The following C12orf54 variants were observed in gnomAD, a reference collection of about 807,000 sequenced individuals.
C12orf54 encodes the protein uncharacterized protein C12orf54.
In C12orf54, 24 loss-of-function variants were observed where a neutral mutation model predicts 26.4. The ratio of observed to expected loss-of-function variants is 0.91; its 90% CI spans 0.66 to 1.28. The LOEUF is 1.28. Among genes scored for constraint, C12orf54 ranks in the 50% most tolerant of loss-of-function variants. The pLI is 0.00. For synonymous variants in C12orf54, 54 were observed against 47.0 expected, an observed-to-expected ratio of 1.15 and a Z score of -0.61; for missense variants, 154 against 150.9, an observed-to-expected ratio of 1.02 and a Z score of -0.11.
At chr12:48,451,339 T>G in the C12orf54 span, among the ~76,000 whole-genome samples, 25 of 151,478 alleles carry the variant, frequency 1.7e-4, no homozygotes, top group Middle Eastern at 3.4e-3. Flanking sequence ...GGAACATACC[T>G]CAAAATAATA....
At chr12:48,434,797 C>T in the C12orf54 span, among the ~76,000 whole-genome samples, 7 of 152,134 alleles carry the variant, frequency 4.6e-5, no homozygotes, top group Non-Finnish European at 7.4e-5. Context: ...GTAGATAAAA[C>T]CACAAAGATG....
chr12:48,463,776 A>G, the C12orf54 span, among the ~76,000 whole-genome samples: 1 of 152,164 alleles, frequency 6.6e-6, no homozygotes, highest in Admixed American at 6.5e-5. Flanking sequence ...TTGGTTCAAC[A>G]TATACAATTC....
At chr12:48,460,292 G>A in the C12orf54 span, among the ~76,000 whole-genome samples, 36 of 152,072 alleles carry the variant, frequency 2.4e-4, 1 homozygote, top group East Asian at 6.0e-3. Flanking sequence ...AAAAAATGAA[G>A]AAATGTCCAA....
chr12:48,490,371 G>T (rs1024079909), intron 5 of C12orf54, among the ~76,000 whole-genome samples: 17 of 152,190 alleles, frequency 1.1e-4, no homozygotes, highest in African/African-American at 3.9e-4. Context: ...ATTTTGGCCA[G>T]GCAGGGTGGC....
At chr12:48,466,565 G>C in the C12orf54 span, among the ~76,000 whole-genome samples, 1 of 150,928 alleles carries the variant, frequency 6.6e-6, no homozygotes, top group African/African-American at 2.4e-5. Context: ...AAAGATACAT[G>C]ACTTGCAAAT....
At chr12:48,470,934 A>G in the C12orf54 span, among the ~76,000 whole-genome samples, 1 of 152,188 alleles carries the variant, frequency 6.6e-6, no homozygotes, top group Non-Finnish European at 1.5e-5. Context: ...TGGAGTATCC[A>G]TCCCCAGAAG....
chr12:48,424,244 T>C, the C12orf54 span, among the ~76,000 whole-genome samples: 3 of 152,134 alleles, frequency 2.0e-5, no homozygotes, highest in Non-Finnish European at 4.4e-5. Context: ...TGGATTTCAC[T>C]TGATGATGTT....
chr12:48,433,836 C>A, the C12orf54 span, among the ~76,000 whole-genome samples: 2 of 152,170 alleles, frequency 1.3e-5, no homozygotes, highest in Admixed American at 6.5e-5. Context: ...CCAGCGTGAG[C>A]AATGCAGAAG....
the C12orf54 span, among the ~76,000 whole-genome samples, chr12:48,457,341 GT>G: frequency 6.6e-6 from 1 of 151,482 alleles, no homozygotes; most frequent in East Asian, 1.9e-4. Flanking sequence ...TTTTTTGTTT[GT>G]TTGTTTTTTG....
chr12:48,486,295 C>CA (rs545676144), intron 3 of C12orf54, 87 bp downstream of exon 3: 4,777 of 1,090,764 alleles, frequency 4.4e-3, no homozygotes, highest in Non-Finnish European at 4.9e-3. Context: ...GACAGGAGGC[C>CA]AAAAAAAAAA....
Position 48,486,208 on chromosome 12 carries a change from G to A in C12orf54, c.96G>A (p.Gln32=). The part of the protein sequence containing the change: ...STSIEETMRP[Q]EKQVTITETL... ...CCATAGAAGAGACAATGAGACCACA[G>A]GTGGGTAAGGTATCCAAATTCTCTG... Residue 32 remains glutamine (Q), a splice_region_variant and synonymous_variant, in exon 3 of 9, where the codon CAG becomes CAA. Coordinates refer to ENST00000548364, the MANE Select transcript of C12orf54 (RefSeq NM_152319.4). 6.2e-7 allele frequency: 1 copy of A among 1,609,900 alleles called. No individual in the cohort carries two copies. The highest frequency in any genetic ancestry group is 8.5e-7 in the Non-Finnish European group (1 of 1,176,172).
At chr12:48,472,135 T>C in the C12orf54 span, among the ~76,000 whole-genome samples, 2 of 152,212 alleles carry the variant, frequency 1.3e-5, no homozygotes, top group African/African-American at 2.4e-5. Flanking sequence ...TCTTGATTTA[T>C]TCTCAGCTTG....
At chr12:48,437,930 G>A in the C12orf54 span, among the ~76,000 whole-genome samples, 211 of 152,216 alleles carry the variant, frequency 1.4e-3, no homozygotes, top group Non-Finnish European at 2.5e-3. Context: ...AGGAAATAAA[G>A]GGCATTCAGT....
upstream of C12orf54, among the ~76,000 whole-genome samples, chr12:48,478,138 G>T (rs566147572): frequency 1.3e-5 from 2 of 152,170 alleles, no homozygotes; most frequent in Non-Finnish European, 2.9e-5. Context: ...CAGAAACAAA[G>T]ACAAAAACCA....
chr12:48,480,211 G>T (rs1217390581), upstream of C12orf54, among the ~76,000 whole-genome samples: 2 of 152,122 alleles, frequency 1.3e-5, no homozygotes, highest in Non-Finnish European at 2.9e-5. Flanking sequence ...AGAATGTATG[G>T]TTGAAACTCA....
the C12orf54 span, among the ~76,000 whole-genome samples, chr12:48,432,138 C>T: frequency 6.6e-6 from 1 of 152,154 alleles, no homozygotes; most frequent in Non-Finnish European, 1.5e-5. Context: ...AGGAATGCAA[C>T]AATTCTTCAA....
rs1192281890 is a variant in C12orf54, at chr12:48,496,208, C to CTTCAGTTGGGGA, written c.*68_*69insTTCAGTTGGGGA. 2 of 152,506 alleles carry CTTCAGTTGGGGA rather than the reference C, an allele frequency of 1.3e-5. No individual in the cohort carries two copies. The highest frequency in any genetic ancestry group is 4.8e-5 in the African/African-American group (2 of 41,456). The allele number at this position is 152,506 out of a possible 1,614,324, so 9.4% of individuals were successfully genotyped here. ...CAGCTTCAGTTGGGGAAGATATTAG[C>CTTCAGTTGGGGA]AGACATCATCACTGAACCCAGAAGA... is the stretch of plus-strand genomic sequence containing the variant. On this transcript the variant is annotated 3_prime_UTR_variant, in exon 9 of 9. Transcript: ENST00000548364.
chr12:48,435,107 G>A, the C12orf54 span, among the ~76,000 whole-genome samples: 47,013 of 152,064 alleles, frequency 0.31, 7,790 homozygotes, highest in African/African-American at 0.35. Context: ...AGAACTACCT[G>A]ACAAATGCAC....
chr12:48,487,486 A>G (rs141409179), intron 4 of C12orf54, among the ~76,000 whole-genome samples: 2 of 152,246 alleles, frequency 1.3e-5, no homozygotes, highest in Admixed American at 6.5e-5. Context: ...GACTCTTTAC[A>G]TAAGGAAATA....
Sources: allele counts gnomAD v4.1 joint callset (sites outside exome capture counted in the v4.1 genomes callset), GRCh38; gene constraint gnomAD v4.1.1; transcripts MANE v1.5; gene names NCBI Gene and HGNC (gene_info 2026-07-23, HGNC 2026-07-21).